Variants in DNAH3 observed in about 807,000 individuals in gnomAD.
DNAH3 encodes axonemal beta dynein heavy chain 3.
In DNAH3, 332 loss-of-function variants were observed where a neutral mutation model predicts 432.5. The observed-to-expected ratio is 0.77, with a 90% confidence interval of 0.70 to 0.84. The LOEUF (loss-of-function observed/expected upper bound fraction) is 0.84, where lower values mean the gene tolerates loss of function less well. DNAH3 is among the 40% of genes least tolerant of loss of function. The pLI, the probability that DNAH3 is intolerant of heterozygous loss-of-function variation, is 0.00. For missense variants in DNAH3, 4,861 were observed against 5,114.0 expected, an observed-to-expected ratio of 0.95 and a Z score of 1.51; for synonymous variants, 1,956 against 1,900.2, an observed-to-expected ratio of 1.03 and a Z score of -0.76.
intron 24 of DNAH3, 42 bp downstream of exon 24, chr16:21,067,241 G>C: frequency 6.2e-7 from 1 of 1,608,936 alleles, no homozygotes; most frequent in South Asian, 1.1e-5. Flanking sequence ...CCTACATATG[G>C]GGCAAGAATG....
rs958822163 is a variant in DNAH3, at chr16:21,022,161, G to A, written c.5647-61C>T. On this transcript the variant is annotated intron_variant, in intron 39 of 61. Coordinates refer to ENST00000261383, the Ensembl canonical transcript of DNAH3. The stretch of plus-strand genomic sequence containing the variant: ...GATCAACAAGTGAGTTGACGACCAA[G>A]AGCTTGGTCTACCTTGTGAGGCTAG... 2.5e-6 allele frequency: 4 copies of A among 1,583,290 alleles called. No individual in the cohort carries two copies. The African/African-American group carries it at 5.4e-5, about 21-fold the overall frequency.
rs74761461 is a variant in DNAH3 at position 20,989,084 on chromosome 16, C to T, written c.6602-1019G>A. Among the ~76,000 whole-genome samples the T allele has an allele frequency of 3.3e-3, 501 of 152,320 alleles. 1 individual carries two copies. Among genetic ancestry groups the T allele is most frequent in the African/African-American group, 5.7e-3 (235 of 41,570 alleles). ...GCAAAGAGCGAAAGAACAAAGCTTC[C>T]ACAGTGCGGAAAGAGACCCGAGCGG... On this transcript the variant is annotated intron_variant, in intron 44 of 61. Transcript: ENST00000261383.
exon 53 of DNAH3, chr16:20,963,846 G>T: frequency 6.2e-7 from 1 of 1,614,140 alleles, no homozygotes; most frequent in East Asian, 2.2e-5. Context: ...TGATGTACTT[G>T]ATGCGCAGAT....
intron 56 of DNAH3, among the ~76,000 whole-genome samples, chr16:20,949,942 G>T (rs2084238323): frequency 6.6e-6 from 1 of 152,116 alleles, no homozygotes; most frequent in Non-Finnish European, 1.5e-5. Context: ...CTCATGCTAT[G>T]GTCTGAAGAG....
intron 12 of DNAH3, among the ~76,000 whole-genome samples, chr16:21,116,071 G>A (rs1404919586): frequency 6.6e-6 from 1 of 152,212 alleles, no homozygotes; most frequent in East Asian, 1.9e-4. Flanking sequence ...AAAAATGTCA[G>A]TAGAGCTGCA....
At chr16:20,960,171 T>C (rs761189487) in intron 53 of DNAH3, among the ~76,000 whole-genome samples, 5 of 152,194 alleles carry the variant, frequency 3.3e-5, no homozygotes. Context: ...ACATATCTTA[T>C]AGGTCTCTTC....
intron 41 of DNAH3, among the ~76,000 whole-genome samples, chr16:21,011,138 C>A (rs1342265258): frequency 2.0e-5 from 3 of 151,986 alleles, no homozygotes; most frequent in Non-Finnish European, 2.9e-5. Flanking sequence ...GACTCTCTAG[C>A]TGCAGAAGGA....
intron 7 of DNAH3, among the ~76,000 whole-genome samples, chr16:21,128,283 AAG>A (rs1291360793): frequency 6.6e-6 from 1 of 152,084 alleles, no homozygotes; most frequent in Non-Finnish European, 1.5e-5. Context: ...ATTTAAAACA[AAG>A]AGTTTATGGA....
At chr16:20,933,409 C>T (rs1359301610) in exon 62 of DNAH3, 2 of 1,614,154 alleles carry the variant, frequency 1.2e-6, no homozygotes, top group Admixed American at 3.3e-5. Flanking sequence ...CCCCAATCTG[C>T]ATCGTTTTCC....
In DNAH3 at chr16:21,015,973, G is replaced by GAA. The variant is rs572976543; in HGVS notation, c.6022+3650_6022+3651insTT. Among the ~76,000 whole-genome samples the GAA allele has an allele frequency of 3.3e-3, 503 of 152,166 alleles. 1 individual carries two copies. The highest frequency in any genetic ancestry group is 4.3e-3 in the Non-Finnish European group (295 of 68,004). On this transcript the variant is annotated intron_variant, in intron 41 of 61. Transcript: ENST00000261383. ...CCAGCTAATTTTTGTATTTTTAGTA[G>GAA]AGATGGTGTTTCAACATGTTGGCCA...
chr16:21,152,914 C>T (rs375290310), intron 1 of DNAH3, among the ~76,000 whole-genome samples: 1 of 152,228 alleles, frequency 6.6e-6, no homozygotes, highest in Non-Finnish European at 1.5e-5. Flanking sequence ...CCCGAGCCTC[C>T]CCGACGAGCG....
chr16:21,046,614 C>T (rs1331035043), intron 31 of DNAH3, among the ~76,000 whole-genome samples: 1 of 152,104 alleles, frequency 6.6e-6, no homozygotes, highest in Non-Finnish European at 1.5e-5. Flanking sequence ...ACTGATGGGT[C>T]TTGACTCTTT....
intron 24 of DNAH3, among the ~76,000 whole-genome samples, chr16:21,063,510 T>G (rs1247481367): frequency 6.7e-6 from 1 of 149,016 alleles, no homozygotes; most frequent in Non-Finnish European, 1.5e-5. Flanking sequence ...TTATTTTATA[T>G]TTTATTTTAT....
At chr16:20,951,374 C>A (rs915787662) in intron 56 of DNAH3, among the ~76,000 whole-genome samples, 1 of 151,892 alleles carries the variant, frequency 6.6e-6, no homozygotes, top group South Asian at 2.1e-4. Flanking sequence ...TCCTCCTACC[C>A]CAAGATTTAA....
At chr16:21,087,375 A>C (rs934820727) in intron 18 of DNAH3, among the ~76,000 whole-genome samples, 2 of 152,206 alleles carry the variant, frequency 1.3e-5, no homozygotes, top group Non-Finnish European at 2.9e-5. Flanking sequence ...TTAGCATATC[A>C]ATAGCTTTTT....
intron 53 of DNAH3, 96 bp downstream of exon 53, chr16:20,963,188 T>A: frequency 8.0e-7 from 1 of 1,250,326 alleles, no homozygotes; most frequent in Non-Finnish European, 1.1e-6. Flanking sequence ...TTCAAAGCCA[T>A]CTGAACTTGA....
At chr16:21,090,405 C>G (rs2091497317) in intron 18 of DNAH3, among the ~76,000 whole-genome samples, 1 of 151,054 alleles carries the variant, frequency 6.6e-6, no homozygotes, top group Non-Finnish European at 1.5e-5. Flanking sequence ...ACCAGTATCT[C>G]TCACAGACAC....
intron 41 of DNAH3, among the ~76,000 whole-genome samples, chr16:21,006,362 T>C (rs1301651093): frequency 1.3e-5 from 2 of 152,232 alleles, no homozygotes; most frequent in African/African-American, 4.8e-5. Flanking sequence ...TGAAATGTAA[T>C]TTACATATCA....
chr16:21,098,530 C>T (rs1353479668), intron 17 of DNAH3, 86 bp downstream of exon 17: 15 of 1,382,340 alleles, frequency 1.1e-5, no homozygotes, highest in Non-Finnish European at 1.3e-5. Context: ...CTAGTAGATG[C>T]TATTAGGAAA....
Sources: allele counts gnomAD v4.1 joint callset (sites outside exome capture counted in the v4.1 genomes callset), GRCh38; gene constraint gnomAD v4.1.1; transcripts MANE v1.5; gene names NCBI Gene and HGNC (gene_info 2026-07-23, HGNC 2026-07-21).